ITPK1: variants seen among roughly 807,000 people sequenced by gnomAD.
ITPK1 encodes inositol-tetrakisphosphate 1-kinase, also known as inositol 1,3,4-trisphosphate 5/6-kinase.
A neutral mutation model predicts 45.3 loss-of-function variants in ITPK1; 21 were observed. The observed-to-expected ratio is 0.46, with a 90% CI of 0.33 to 0.67. The LOEUF (loss-of-function observed/expected upper bound fraction) is 0.67, where lower values mean the gene tolerates loss of function less well. Among genes scored for constraint, ITPK1 ranks in the 30% least tolerant of loss-of-function variants. The pLI is 0.02. For missense variants in ITPK1, 474 were observed against 573.5 expected (o/e 0.83, Z 1.77); for synonymous variants, 258 against 253.6 (o/e 1.02, Z -0.16).
Position 92,940,025 on chromosome 14 carries a change from C to T in ITPK1, c.*1536G>A. 4 of 985,814 alleles carry T rather than the reference C, an allele frequency of 4.1e-6. No homozygotes were observed. Among genetic ancestry groups the T allele is most frequent in the Non-Finnish European group, 4.8e-6 (4 of 829,946 alleles). 61.1% of individuals were successfully genotyped at this position (985,814 alleles called of 1,614,324 possible). ...TGTAAACGTGGTTAGTTGTTGGGTC[C>T]TCAGTTTCCAAAAAAGCCGGGCAGT... On this transcript the variant is annotated 3_prime_UTR_variant, in exon 11 of 11. Transcript: ENST00000267615.
intron 5 of ITPK1, among the ~76,000 whole-genome samples, chr14:92,986,230 A>AT (rs1420641271): frequency 6.6e-6 from 1 of 152,226 alleles, no homozygotes; most frequent in Non-Finnish European, 1.5e-5. Context: ...TGAGCTATAA[A>AT]TTCACACTAA....
chr14:93,053,102 A>G (rs1267661711), intron 3 of ITPK1, among the ~76,000 whole-genome samples: 1 of 152,096 alleles, frequency 6.6e-6, no homozygotes, highest in African/African-American at 2.4e-5. Context: ...TGTTGTGCAC[A>G]TGTACCCTAA....
intron 2 of ITPK1, among the ~76,000 whole-genome samples, chr14:93,085,362 G>A (rs1052346772): frequency 6.6e-5 from 10 of 152,060 alleles, no homozygotes; most frequent in South Asian, 2.1e-4. Flanking sequence ...CCCTCCCCCC[G>A]ACCGGGTGCC....
intron 3 of ITPK1, among the ~76,000 whole-genome samples, chr14:93,028,640 C>T (rs948757339): frequency 6.6e-6 from 1 of 152,220 alleles, no homozygotes; most frequent in African/African-American, 2.4e-5. Flanking sequence ...GAAGCCTTAG[C>T]ACCAAGCCTG....
In ITPK1 at chr14:93,101,314, C is replaced by T. The variant is rs913469136; in HGVS notation, c.95+13755G>A. On this transcript the variant is annotated intron_variant, in intron 2 of 10. Coordinates refer to ENST00000267615, the MANE Select transcript of ITPK1 (RefSeq NM_014216.6). The stretch of plus-strand genomic sequence containing the variant: ...GCTCAAAGGTTTTCAAAAGTTACTC[C>T]TCTAAGATCGTGAATCTCTGTACCT... Among the ~76,000 whole-genome samples, 7 of 152,340 alleles carry T rather than the reference C, an allele frequency of 4.6e-5. No homozygotes were observed. In the South Asian group the frequency reaches 8.3e-4, roughly 18 times the overall value.
chr14:93,105,503 C>T (rs1382188246), intron 2 of ITPK1, among the ~76,000 whole-genome samples: 2 of 148,052 alleles, frequency 1.4e-5, no homozygotes, highest in African/African-American at 2.5e-5. Context: ...CTTCTCCCTT[C>T]TCCCCAGTGC....
intron 5 of ITPK1, among the ~76,000 whole-genome samples, chr14:92,989,398 T>C (rs1886664361): frequency 6.6e-6 from 1 of 151,980 alleles, no homozygotes; most frequent in Non-Finnish European, 1.5e-5. Flanking sequence ...CAAGGATCTC[T>C]CCAGCCTGTT....
At chr14:93,109,884 A>G (rs540128944) in intron 2 of ITPK1, among the ~76,000 whole-genome samples, 4 of 152,270 alleles carry the variant, frequency 2.6e-5, no homozygotes, top group African/African-American at 9.6e-5. Flanking sequence ...AAATCTACAA[A>G]GGCCAAAGGT....
At chr14:93,078,276 G>A (rs1233144259) in intron 2 of ITPK1, among the ~76,000 whole-genome samples, 1 of 152,134 alleles carries the variant, frequency 6.6e-6, no homozygotes, top group Non-Finnish European at 1.5e-5. Context: ...CACAGCTGAG[G>A]CGCCGCCCAC....
intron 5 of ITPK1, among the ~76,000 whole-genome samples, chr14:92,982,831 C>T (rs1886300082): frequency 6.6e-6 from 1 of 152,184 alleles, no homozygotes; most frequent in Non-Finnish European, 1.5e-5. Flanking sequence ...GGCCACAGCC[C>T]CCTACCCTGC....
chr14:93,083,693 C>CA (rs1891535506), intron 2 of ITPK1, among the ~76,000 whole-genome samples: 1 of 152,190 alleles, frequency 6.6e-6, no homozygotes, highest in Non-Finnish European at 1.5e-5. Flanking sequence ...GATGTCTCCC[C>CA]AGGACTTGGG....
At chr14:92,970,460 A>G (rs961462443) in intron 5 of ITPK1, among the ~76,000 whole-genome samples, 1 of 152,114 alleles carries the variant, frequency 6.6e-6, no homozygotes, top group Non-Finnish European at 1.5e-5. Context: ...GACCCCAGCT[A>G]TGTGTGCCTC....
At chr14:93,071,354 T>G (rs1890994765) in intron 3 of ITPK1, 1 of 152,246 alleles carries the variant, frequency 6.6e-6, no homozygotes, top group Non-Finnish European at 1.5e-5. Flanking sequence ...CAAGGCCTCG[T>G]GCTGTCCCTC....
chr14:93,109,532 G>A (rs923993575), intron 2 of ITPK1, among the ~76,000 whole-genome samples: 3 of 152,214 alleles, frequency 2.0e-5, no homozygotes, highest in Non-Finnish European at 4.4e-5. Flanking sequence ...TACCAGTGGA[G>A]ACTTGGCATT....
At chr14:92,968,855 G>A (rs1011282730) in intron 5 of ITPK1, among the ~76,000 whole-genome samples, 3 of 152,138 alleles carry the variant, frequency 2.0e-5, no homozygotes, top group African/African-American at 4.8e-5. Context: ...ACTGAGACTC[G>A]CCCAGCCACA....
chr14:92,972,663 C>T (rs1885720540), intron 5 of ITPK1, among the ~76,000 whole-genome samples: 1 of 152,228 alleles, frequency 6.6e-6, no homozygotes, highest in Non-Finnish European at 1.5e-5. Context: ...GTGATCTCAG[C>T]TCACTGCAAC....
intron 3 of ITPK1, among the ~76,000 whole-genome samples, chr14:93,065,333 C>T (rs1169135743): frequency 6.6e-6 from 1 of 152,200 alleles, no homozygotes; most frequent in South Asian, 2.1e-4. Context: ...CTACACAACA[C>T]ACCTCATTCA....
intron 3 of ITPK1, among the ~76,000 whole-genome samples, chr14:93,060,920 A>T (rs1890491518): frequency 6.6e-6 from 1 of 152,218 alleles, no homozygotes; most frequent in Non-Finnish European, 1.5e-5. Context: ...AAAGTAAAAA[A>T]GTCCAAGGCA....
chr14:93,048,613 A>G (rs957277388), intron 3 of ITPK1, among the ~76,000 whole-genome samples: 5 of 152,178 alleles, frequency 3.3e-5, no homozygotes, highest in Non-Finnish European at 7.3e-5. Context: ...AGCGGGGAAG[A>G]AGGGGCCAGG....
Sources: allele counts gnomAD v4.1 joint callset (sites outside exome capture counted in the v4.1 genomes callset), GRCh38; gene constraint gnomAD v4.1.1; transcripts MANE v1.5; gene names NCBI Gene and HGNC (gene_info 2026-07-23, HGNC 2026-07-21).